The following CSTF2T variants were observed in gnomAD, a reference collection of about 807,000 sequenced individuals.
CSTF2T encodes the protein cleavage stimulation factor subunit 2 tau variant.
Under a neutral mutation model 39.9 loss-of-function variants are expected in CSTF2T, and 18 were observed. The observed-to-expected ratio is 0.45, with a 90% confidence interval of 0.31 to 0.67. The LOEUF is 0.67. Ranked by LOEUF, CSTF2T falls within the 30% of genes least tolerant of loss-of-function variation. The pLI, the probability that CSTF2T is intolerant of heterozygous loss-of-function variation, is 0.06. For missense variants in CSTF2T, 681 were observed against 789.0 expected (o/e 0.86, Z 1.64); for synonymous variants, 291 against 276.4 (o/e 1.05, Z -0.52).
Position 51,699,145 on chromosome 10 carries a change from G to A in CSTF2T, c.405C>T (p.Leu135=). Residue 135 remains leucine, a synonymous_variant, in exon 1 of 1, where the codon CTC becomes CTT. Coordinates refer to ENST00000331173, the MANE Select transcript of CSTF2T (RefSeq NM_015235.3). ...PESITRAVAS[L]PPEQMFELMK... is the part of the protein sequence containing the mutation. ...TCAGCTCAAACATCTGCTCCGGGGGGAGACTGGCTACTGCTCTGGTAATCG... is the reference window on the plus strand; with the variant it reads ...TCAGCTCAAACATCTGCTCCGGGGGAAGACTGGCTACTGCTCTGGTAATCG... The A allele has an allele frequency of 2.5e-6, 4 of 1,614,172 alleles. No homozygotes were observed. Among genetic ancestry groups the A allele is most frequent in the Middle Eastern group, 1.6e-4 (1 of 6,062 alleles).
In CSTF2T at chr10:51,697,589, G is replaced by A. The variant is rs1418033705; in HGVS notation, c.*110C>T. 3.1e-5 allele frequency: 32 copies of A among 1,047,712 alleles called. No homozygotes were observed. Among genetic ancestry groups the A allele is most frequent in the Admixed American group, 4.6e-5 (2 of 43,376 alleles). 64.9% of individuals were successfully genotyped at this position (1,047,712 alleles called of 1,614,324 possible). On this transcript the variant is annotated 3_prime_UTR_variant, in exon 1 of 1. Transcript: ENST00000331173. ...CAAAAAATAAGATTAGGTTCTAGGA[G>A]GAGGGAAACCCTAATCCAAGTGTGG...
chr10:51,698,596 G>A lies in CSTF2T; in HGVS notation c.954C>T (p.Pro318=), dbSNP rs370688838. The change falls in exon 1 of 1, where the codon CCC becomes CCT. Residue 318 remains proline, a synonymous_variant. Transcript: ENST00000331173. ...GAGGAGGCAGACCACCAGGAGTCAC[G>A]GGTCCGCGAGGTATAGGAGCTCTAG... is the stretch of plus-strand genomic sequence containing the variant. ...SDPRAPIPRG[P]VTPGGLPPRG... is the part of the protein sequence containing the mutation. 1.2e-6 allele frequency: 2 copies of A among 1,613,704 alleles called. No individual in the cohort carries two copies. Among genetic ancestry groups the A allele is most frequent in the African/African-American group, 1.3e-5 (1 of 74,936 alleles).
Position 51,697,926 on chromosome 10 carries a change from C to A in CSTF2T, c.1624G>T (p.Gly542Cys). 1 of 1,599,156 alleles carries A rather than the reference C, an allele frequency of 6.3e-7. No homozygotes were observed. Among genetic ancestry groups the A allele is most frequent in the Non-Finnish European group, 8.5e-7 (1 of 1,172,900 alleles). ...GIQGVSIQGG[G>C]IQGGGIQGAS... Reference sequence around the variant, plus strand: ...CCCTGTATACCTCCTCCTTGTATACCTCCTCCTTGTATACTGACTCCTTGT... The same window carrying A: ...CCCTGTATACCTCCTCCTTGTATACATCCTCCTTGTATACTGACTCCTTGT... Residue 542 changes from glycine (G) to cysteine (C), a missense_variant, in exon 1 of 1, where the codon GGT becomes TGT. Transcript: ENST00000331173.
Position 51,697,447 on chromosome 10 carries a change from G to A in CSTF2T, c.*252C>T, listed in dbSNP as rs1841325287. 1 of 481,006 alleles carries A rather than the reference G, an allele frequency of 2.1e-6. No individual in the cohort carries two copies. The highest frequency in any genetic ancestry group is 2.0e-5 in the African/African-American group (1 of 50,568). The allele number at this position is 481,006 out of a possible 1,614,324, so 29.8% of individuals were successfully genotyped here. A position where few individuals can be genotyped will look rare whatever the true frequency, so the allele number is the denominator to read the frequency against. On this transcript the variant is annotated 3_prime_UTR_variant, in exon 1 of 1. Coordinates refer to ENST00000331173, the MANE Select transcript of CSTF2T (RefSeq NM_015235.3). The stretch of plus-strand genomic sequence containing the variant: ...CTGCTTATTCTTTGTAATCTTATTT[G>A]GCATAATATAATCATGTTCAGAGTT...
rs1841325104 is a variant in CSTF2T, at chr10:51,697,441, T to C, written c.*258A>G. ...ATATTGCTGCTTATTCTTTGTAATC[T>C]TATTTGGCATAATATAATCATGTTC... On this transcript the variant is annotated 3_prime_UTR_variant, in exon 1 of 1. Transcript: ENST00000331173. 11 of 474,362 alleles carry C rather than the reference T, an allele frequency of 2.3e-5. No individual in the cohort carries two copies. The South Asian group carries it at 3.2e-4, about 14-fold the overall frequency. The allele number at this position is 474,362 out of a possible 1,614,324, so 29.4% of individuals were successfully genotyped here. A position where few individuals can be genotyped will look rare whatever the true frequency, so the allele number is the denominator to read the frequency against.
chr10:51,697,432 T>G lies in CSTF2T; in HGVS notation c.*267A>C, dbSNP rs1219124875. On this transcript the variant is annotated 3_prime_UTR_variant, in exon 1 of 1. Coordinates refer to ENST00000331173, the MANE Select transcript of CSTF2T (RefSeq NM_015235.3). Reference sequence around the variant, plus strand: ...GATGCTTCAATATTGCTGCTTATTCTTTGTAATCTTATTTGGCATAATATA... The same window carrying G: ...GATGCTTCAATATTGCTGCTTATTCGTTGTAATCTTATTTGGCATAATATA... 1 of 455,244 alleles carries G rather than the reference T, an allele frequency of 2.2e-6. No homozygotes were observed. The highest frequency in any genetic ancestry group is 2.0e-5 in the African/African-American group (1 of 50,196). The allele number at this position is 455,244 out of a possible 1,614,324, so 28.2% of individuals were successfully genotyped here.
rs992215828 is a variant in CSTF2T at position 51,699,478 on chromosome 10, T to A, written c.72A>T (p.Pro24=). Residue 24 remains proline, a synonymous_variant, in exon 1 of 1, where the codon CCA becomes CCT. Transcript: ENST00000331173. ...TTAACTGCTCCTCAGTTGCCTCATA[T>A]GGAATGTTCCCCACGAACACGGAAC... is the stretch of plus-strand genomic sequence containing the variant. ...SLRSVFVGNI[P]YEATEEQLKD... is the part of the protein sequence containing the mutation. 1.9e-6 allele frequency: 3 copies of A among 1,613,704 alleles called. No individual in the cohort carries two copies. The South Asian group carries it at 3.3e-5, about 18-fold the overall frequency.
rs1158510378 is a variant in CSTF2T, at chr10:51,697,119, AC to A, written c.*579del. On this transcript the variant is annotated 3_prime_UTR_variant, in exon 1 of 1. Coordinates refer to ENST00000331173, the MANE Select transcript of CSTF2T (RefSeq NM_015235.3). ...TCAGGTAACATAACTTTAGAAAAAA[AC>A]AATTCTAATACAAGTGTAACCTTAT... The A allele has an allele frequency of 6.6e-6, 1 of 152,262 alleles. No homozygotes were observed. Among genetic ancestry groups the A allele is most frequent in the Non-Finnish European group, 1.5e-5 (1 of 68,080 alleles). 9.4% of individuals were successfully genotyped at this position (152,262 alleles called of 1,614,324 possible).
rs561666634 is a variant in CSTF2T, at chr10:51,696,460, T to A, written c.*1239A>T. The A allele has an allele frequency of 1.3e-5, 2 of 151,748 alleles. No individual in the cohort carries two copies. Among genetic ancestry groups the A allele is most frequent in the African/African-American group, 4.8e-5 (2 of 41,382 alleles). The allele number at this position is 151,748 out of a possible 1,614,324, so 9.4% of individuals were successfully genotyped here. On this transcript the variant is annotated 3_prime_UTR_variant, in exon 1 of 1. Coordinates refer to ENST00000331173, the MANE Select transcript of CSTF2T (RefSeq NM_015235.3). ...ATGTAAGAGAATTACTGACTCAGAT[T>A]TAGGGTTTAAAGACTATTGAGAAAT...
Position 51,698,530 on chromosome 10 carries a change from C to T in CSTF2T, c.1020G>A (p.Gly340=). Residue 340 remains glycine, a synonymous_variant, in exon 1 of 1, where the codon GGG becomes GGA. Transcript: ENST00000331173. Reference sequence around the variant, plus strand: ...CTTCTCCAGTGACTGAAAGCAAAGTCCCTCCACGTGGGTCATTTGGAGCAT... The same window carrying T: ...CTTCTCCAGTGACTGAAAGCAAAGTTCCTCCACGTGGGTCATTTGGAGCAT... ...LGDAPNDPRG[G]TLLSVTGEVE... The T allele has an allele frequency of 6.2e-7, 1 of 1,614,176 alleles. No homozygotes were observed. Among genetic ancestry groups the T allele is most frequent in the Non-Finnish European group, 8.5e-7 (1 of 1,180,032 alleles).
Position 51,697,552 on chromosome 10 carries a change from A to G in CSTF2T, c.*147T>C. On this transcript the variant is annotated 3_prime_UTR_variant, in exon 1 of 1. Transcript: ENST00000331173. The stretch of plus-strand genomic sequence containing the variant: ...TTAAAAAAAAAAGGAAAACAGAAAG[A>G]AAGAAAAAGAACAAAAAATAAGATT... 4.9e-6 allele frequency: 4 copies of G among 819,564 alleles called. No homozygotes were observed. Among genetic ancestry groups the G allele is most frequent in the Non-Finnish European group, 7.5e-6 (4 of 533,336 alleles). 50.8% of individuals were successfully genotyped at this position (819,564 alleles called of 1,614,324 possible).
In CSTF2T at chr10:51,698,703, C is replaced by T. The variant is rs1350221721; in HGVS notation, c.847G>A (p.Gly283Arg). 9 of 1,614,106 alleles carry T rather than the reference C, an allele frequency of 5.6e-6. No individual in the cohort carries two copies. Among genetic ancestry groups the T allele is most frequent in the South Asian group, 1.1e-5 (1 of 91,082 alleles). The part of the protein sequence containing the change: ...PGAGPGSLTP[G>R]GAMQPQLGMP... ...CCAAGTTGGGGCTGCATTGCTCCTC[C>T]AGGAGTTAAGGAACCAGGACCAGCT... Residue 283 changes from glycine (G) to arginine (R), a missense_variant, in exon 1 of 1, where the codon GGA (glycine) becomes AGA (arginine). By Grantham distance (125) the Gly-to-Arg change is moderately radical (BLOSUM62 -2). Transcript: ENST00000331173.
In CSTF2T at chr10:51,698,602, G is replaced by T; in HGVS notation, c.948C>A (p.Arg316=). 6.2e-7 allele frequency: 1 copy of T among 1,613,806 alleles called. No homozygotes were observed. ...GCAGACCACCAGGAGTCACGGGTCC[G>T]CGAGGTATAGGAGCTCTAGGATCTG... ...QMSDPRAPIP[R]GPVTPGGLPP... The change falls in exon 1 of 1, where the codon CGC becomes CGA. Residue 316 remains arginine (R), a synonymous_variant. Transcript: ENST00000331173.
chr10:51,698,091 C>T lies in CSTF2T; in HGVS notation c.1459G>A (p.Gly487Ser). 3 of 1,614,106 alleles carry T rather than the reference C, an allele frequency of 1.9e-6. No homozygotes were observed. Among genetic ancestry groups the T allele is most frequent in the Non-Finnish European group, 2.5e-6 (3 of 1,180,010 alleles). Residue 487 changes from glycine to serine, a missense_variant, in exon 1 of 1, where the codon GGC becomes AGC. Around this residue, in one of 4 missense-constraint regions of CSTF2T, gnomAD observed 282 missense variants for 289.2 expected, o/e 0.98. Transcript: ENST00000331173. ...GPGPINIGAG[G>S]PPQGPRQVPG... ...ACCTGTCTGGGTCCCTGAGGAGGGC[C>T]ACCTGCCCCTATATTAATGGGACCA... is the stretch of plus-strand genomic sequence containing the variant.
In CSTF2T at chr10:51,697,451, T is replaced by C. The variant is rs1470194212; in HGVS notation, c.*248A>G. On this transcript the variant is annotated 3_prime_UTR_variant, in exon 1 of 1. Transcript: ENST00000331173. ...TTATTCTTTGTAATCTTATTTGGCA[T>C]AATATAATCATGTTCAGAGTTATTT... is the stretch of plus-strand genomic sequence containing the variant. The C allele has an allele frequency of 6.0e-6, 3 of 498,168 alleles. No homozygotes were observed. Among genetic ancestry groups the C allele is most frequent in the Non-Finnish European group, 1.1e-5 (3 of 282,356 alleles). The allele number at this position is 498,168 out of a possible 1,614,324, so 30.9% of individuals were successfully genotyped here. A position where few individuals can be genotyped will look rare whatever the true frequency, so the allele number is the denominator to read the frequency against.
Position 51,695,702 on chromosome 10 carries a change from T to C in CSTF2T, c.*1997A>G, listed in dbSNP as rs909929099. ...TCCTCTCCAATATAGGGGAGGCATA[T>C]AGGAAACATGGGAAAGTAGCAGTAT... is the stretch of plus-strand genomic sequence containing the variant. On this transcript the variant is annotated 3_prime_UTR_variant, in exon 1 of 1. Coordinates refer to ENST00000331173, the MANE Select transcript of CSTF2T (RefSeq NM_015235.3). 4 of 152,118 alleles carry C rather than the reference T, an allele frequency of 2.6e-5. No homozygotes were observed. Among genetic ancestry groups the C allele is most frequent in the Admixed American group, 1.3e-4 (2 of 15,266 alleles). The allele number at this position is 152,118 out of a possible 1,614,324, so 9.4% of individuals were successfully genotyped here.
rs549306246 is a variant in CSTF2T, at chr10:51,696,746, C to T, written c.*953G>A. 1.4e-4 allele frequency: 21 copies of T among 151,692 alleles called. No homozygotes were observed. The highest frequency in any genetic ancestry group is 4.4e-4 in the African/African-American group (18 of 41,324). 9.4% of individuals were successfully genotyped at this position (151,692 alleles called of 1,614,324 possible). ...CAAATGGACACCATCTGTATACAAA[C>T]GTCAGATACCAAGAAACTCAGATCT... On this transcript the variant is annotated 3_prime_UTR_variant, in exon 1 of 1. Transcript: ENST00000331173.
At position 51,697,988 on chromosome 10, in the gene CSTF2T, G is replaced by T. The variant is rs762789424; in HGVS notation, c.1562C>A (p.Ala521Glu). ...CTGCATCCCTCCTCCTTGTATGCCT[G>T]CTCCCTGCATGCCTGTTCCTTGTAT... ...TGIQGTGMQG[A>E]GIQGGGMQGA... Residue 521 changes from alanine to glutamate, a missense_variant, in exon 1 of 1, where the codon GCA (alanine) becomes GAA (glutamate). By Grantham distance (107) the Ala-to-Glu change is moderately radical. This residue lies in a region of CSTF2T where 282 missense variants were observed against 289.2 expected (regional missense o/e 0.98). Coordinates refer to ENST00000331173, the MANE Select transcript of CSTF2T (RefSeq NM_015235.3). 2 of 1,610,318 alleles carry T rather than the reference G, an allele frequency of 1.2e-6. No individual in the cohort carries two copies. The highest frequency in any genetic ancestry group is 2.2e-5 in the South Asian group (2 of 90,672).
chr10:51,698,391 C>G lies in CSTF2T; in HGVS notation c.1159G>C (p.Asp387His). The change falls in exon 1 of 1, where the codon GAT (aspartate) becomes CAT (histidine). Residue 387 changes from aspartate to histidine, a missense_variant. Coordinates refer to ENST00000331173, the MANE Select transcript of CSTF2T (RefSeq NM_015235.3). ...GGCTCTCCAATTAGCAGTCTGGGAT[C>G]TCCTAATGGCCCTCCCCTCATCTCA... ...SHEMRGGPLG[D>H]PRLLIGEPRG... is the part of the protein sequence containing the mutation. 6.2e-7 allele frequency: 1 copy of G among 1,614,090 alleles called. No homozygotes were observed. Among genetic ancestry groups the G allele is most frequent in the Non-Finnish European group, 8.5e-7 (1 of 1,180,020 alleles).
Sources: gnomAD v4.1 joint callset for allele counts on GRCh38, gnomAD v4.1.1 for gene constraint, gnomAD v4.1.1 regional missense constraint, MANE v1.5 for transcripts, NCBI Gene and HGNC (gene_info 2026-07-23, HGNC 2026-07-21) for gene names.